The following KCTD8 variants were observed in gnomAD, a reference collection of about 807,000 sequenced individuals.
KCTD8 encodes BTB/POZ domain-containing protein KCTD8.
Under a neutral mutation model 31.5 loss-of-function variants are expected in KCTD8, and 27 were observed. The ratio of observed to expected loss-of-function variants is 0.86; its 90% CI spans 0.63 to 1.18. The LOEUF (loss-of-function observed/expected upper bound fraction) is 1.18. KCTD8 is among the 50% of genes most tolerant of loss of function. The pLI is 0.00. For synonymous variants in KCTD8, 290 were observed against 280.0 expected (o/e 1.04, Z -0.36); for missense variants, 658 against 647.7 (o/e 1.02, Z -0.17).
At chr4:44,205,893 C>G (rs1714289357) in intron 1 of KCTD8, among the ~76,000 whole-genome samples, 1 of 152,092 alleles carries the variant, frequency 6.6e-6, no homozygotes, top group African/African-American at 2.4e-5. Context: ...CCTTCCACTC[C>G]CCATGGAATG....
chr4:44,447,942 ACCGTGCGCTC>A lies in KCTD8; in HGVS notation c.572_581del (p.Gly191ValfsTer133). 1 of 1,490,480 alleles carries A rather than the reference ACCGTGCGCTC, an allele frequency of 6.7e-7. No individual in the cohort carries two copies. The highest frequency in any genetic ancestry group is 2.8e-5 in the East Asian group (1 of 35,472). 92.3% of individuals were successfully genotyped at this position (1,490,480 alleles called of 1,614,324 possible). On this transcript the variant is annotated frameshift_variant, in exon 1 of 2. Coordinates refer to ENST00000360029, the MANE Select transcript of KCTD8 (RefSeq NM_198353.3). LOFTEE classifies it high-confidence loss of function. ...CCTGCGCGCCGCCGCCGCCGCCACC[ACCGTGCGCTC>A]CCGGGCCCGAGGGCACGGCGGCCGC...
chr4:44,339,193 T>C (rs1246438086), intron 1 of KCTD8, among the ~76,000 whole-genome samples: 1 of 152,134 alleles, frequency 6.6e-6, no homozygotes, highest in Non-Finnish European at 1.5e-5. Context: ...ATACAATCTT[T>C]GGAGTCAAAG....
chr4:44,301,932 A>G (rs1717636278), intron 1 of KCTD8, among the ~76,000 whole-genome samples: 1 of 152,192 alleles, frequency 6.6e-6, no homozygotes, highest in Non-Finnish European at 1.5e-5. Flanking sequence ...AGCTTTCTAC[A>G]TATGGCTAGC....
chr4:44,360,973 ATT>A (rs1719478019), intron 1 of KCTD8, among the ~76,000 whole-genome samples: 1 of 151,774 alleles, frequency 6.6e-6, no homozygotes. Context: ...ATCATCTCTT[ATT>A]CTCTATCTCA....
At chr4:44,375,456 CA>C (rs1447035729) in intron 1 of KCTD8, among the ~76,000 whole-genome samples, 1 of 152,086 alleles carries the variant, frequency 6.6e-6, no homozygotes, top group Non-Finnish European at 1.5e-5. Flanking sequence ...GAAACAAGTG[CA>C]ATGTGAAGGC....
intron 1 of KCTD8, among the ~76,000 whole-genome samples, chr4:44,362,207 C>A (rs1293473239): frequency 6.6e-6 from 1 of 152,104 alleles, no homozygotes; most frequent in Non-Finnish European, 1.5e-5. Flanking sequence ...TGAGTCAATG[C>A]AAGTGTAGGC....
chr4:44,387,361 GA>G (rs546146851), intron 1 of KCTD8, among the ~76,000 whole-genome samples: 4 of 151,186 alleles, frequency 2.6e-5, no homozygotes, highest in South Asian at 2.1e-4. Context: ...TACAGAACTA[GA>G]AAAAAAATGT....
chr4:44,350,600 A>T (rs1022561432), intron 1 of KCTD8, among the ~76,000 whole-genome samples: 2 of 152,080 alleles, frequency 1.3e-5, no homozygotes, highest in East Asian at 3.9e-4. Context: ...CAACTCCAAA[A>T]ATTTTTTAGT....
intron 1 of KCTD8, among the ~76,000 whole-genome samples, chr4:44,286,941 A>T (rs1717097899): frequency 6.6e-6 from 1 of 152,152 alleles, no homozygotes; most frequent in Admixed American, 6.6e-5. Flanking sequence ...AAGAAAGAGA[A>T]ATTAATGTAA....
chr4:44,415,192 G>C (rs1316144452), intron 1 of KCTD8, among the ~76,000 whole-genome samples: 2 of 152,204 alleles, frequency 1.3e-5, no homozygotes, highest in Non-Finnish European at 2.9e-5. Context: ...CTTAGGGTAT[G>C]TGCTGGAAGA....
intron 1 of KCTD8, among the ~76,000 whole-genome samples, chr4:44,228,658 T>A (rs1715034076): frequency 6.6e-6 from 1 of 151,986 alleles, no homozygotes; most frequent in African/African-American, 2.4e-5. Context: ...TCAAGGGGGG[T>A]CTTTCCTGAC....
At chr4:44,186,061 A>G (rs1713577727) in intron 1 of KCTD8, among the ~76,000 whole-genome samples, 1 of 151,384 alleles carries the variant, frequency 6.6e-6, no homozygotes, top group African/African-American at 2.4e-5. Context: ...TTCCAAGACT[A>G]CTCTGGCCTG....
At chr4:44,306,554 A>G (rs1244467763) in intron 1 of KCTD8, among the ~76,000 whole-genome samples, 2 of 152,052 alleles carry the variant, frequency 1.3e-5, no homozygotes, top group African/African-American at 2.4e-5. Context: ...AAAATAAATT[A>G]AAAAGCAAAC....
chr4:44,238,445 AT>A (rs1441542308), intron 1 of KCTD8, among the ~76,000 whole-genome samples: 1 of 152,108 alleles, frequency 6.6e-6, no homozygotes, highest in Non-Finnish European at 1.5e-5. Context: ...ACTACATGTA[AT>A]TTTGCTCACC....
chr4:44,389,790 C>G (rs1720319904), intron 1 of KCTD8, among the ~76,000 whole-genome samples: 1 of 151,794 alleles, frequency 6.6e-6, no homozygotes, highest in African/African-American at 2.4e-5. Context: ...GGCACATGAA[C>G]AACACAGGTT....
chr4:44,292,993 A>C (rs894797181), intron 1 of KCTD8, among the ~76,000 whole-genome samples: 83 of 152,170 alleles, frequency 5.5e-4, no homozygotes, highest in African/African-American at 2.0e-3. Flanking sequence ...CCTTGTAAAC[A>C]AATTTCTACA....
chr4:44,226,660 G>A (rs188142716), intron 1 of KCTD8, among the ~76,000 whole-genome samples: 9 of 152,290 alleles, frequency 5.9e-5, no homozygotes, highest in African/African-American at 1.9e-4. Context: ...CCCACCAACA[G>A]TGTAAAAGTG....
chr4:44,366,753 A>G (rs1423749984), intron 1 of KCTD8, among the ~76,000 whole-genome samples: 1 of 152,122 alleles, frequency 6.6e-6, no homozygotes, highest in Non-Finnish European at 1.5e-5. Flanking sequence ...AATTTCTGGA[A>G]ACCTCATTAA....
intron 1 of KCTD8, among the ~76,000 whole-genome samples, chr4:44,179,198 C>T (rs534291458): frequency 4.0e-5 from 6 of 151,556 alleles, no homozygotes; most frequent in Admixed American, 6.6e-5. Flanking sequence ...TTGCCACCTT[C>T]GAAAAAGTCA....
Sources: allele counts gnomAD v4.1 joint callset (sites outside exome capture counted in the v4.1 genomes callset), GRCh38; gene constraint gnomAD v4.1.1; transcripts MANE v1.5; gene names NCBI Gene and HGNC (gene_info 2026-07-23, HGNC 2026-07-21).